GPC6: variants seen among roughly 807,000 people sequenced by gnomAD.
The protein encoded by GPC6 is glypican-6.
Under a neutral mutation model 55.2 loss-of-function variants are expected in GPC6, and 14 were observed. The ratio of observed to expected loss-of-function variants is 0.25; its 90% confidence interval spans 0.17 to 0.40. The LOEUF (loss-of-function observed/expected upper bound fraction) is 0.40. Ranked by LOEUF, GPC6 falls within the 10% of genes least tolerant of loss-of-function variation. GPC6 has a pLI of 1.00. For missense variants in GPC6, 641 were observed against 708.5 expected, an observed-to-expected ratio of 0.90 and a Z score of 1.08; for synonymous variants, 278 against 259.6, an observed-to-expected ratio of 1.07 and a Z score of -0.68.
intron 1 of GPC6, among the ~76,000 whole-genome samples, chr13:93,405,914 G>T (rs1876273321): frequency 6.6e-6 from 1 of 152,198 alleles, no homozygotes; most frequent in Non-Finnish European, 1.5e-5. Flanking sequence ...GGGCCAATTA[G>T]ACTGGAAAGT....
At chr13:93,257,414 G>A (rs1382026320) in intron 1 of GPC6, among the ~76,000 whole-genome samples, 2 of 152,150 alleles carry the variant, frequency 1.3e-5, no homozygotes, top group Non-Finnish European at 2.9e-5. Context: ...TATAGCAAAA[G>A]TATCAGATGA....
intron 3 of GPC6, among the ~76,000 whole-genome samples, chr13:93,986,008 G>T (rs1170036497): frequency 6.6e-6 from 1 of 151,942 alleles, no homozygotes; most frequent in Admixed American, 6.6e-5. Context: ...TTAGTTTGAT[G>T]AATAATAATA....
At chr13:93,730,227 A>G (rs989864983) in intron 2 of GPC6, among the ~76,000 whole-genome samples, 8 of 152,154 alleles carry the variant, frequency 5.3e-5, no homozygotes, top group Non-Finnish European at 1.0e-4. Context: ...AACTCCTACC[A>G]GGTCCTCTCC....
intron 1 of GPC6, among the ~76,000 whole-genome samples, chr13:93,417,694 G>T (rs2139253836): frequency 6.6e-6 from 1 of 152,060 alleles, no homozygotes; most frequent in East Asian, 1.9e-4. Flanking sequence ...GAGTTATTTT[G>T]AATTTACAAA....
chr13:93,818,120 TAC>T lies in GPC6; in HGVS notation c.320-12024_320-12023del, dbSNP rs956923106. ...TATATTATATATAATAATTTATATA[TAC>T]ACACACACATAGTTTAAAACAACTC... On this transcript the variant is annotated intron_variant, in intron 2 of 8. Transcript: ENST00000377047. 4.8e-3 allele frequency among the ~76,000 whole-genome samples: 704 copies of T among 148,198 alleles called. 7 individuals carry two copies. The highest frequency in any genetic ancestry group is 0.016 in the African/African-American group (668 of 40,894).
intron 2 of GPC6, among the ~76,000 whole-genome samples, chr13:93,627,261 T>A (rs1879242126): frequency 6.6e-6 from 1 of 152,092 alleles, no homozygotes; most frequent in South Asian, 2.1e-4. Context: ...GTGTTTGGTT[T>A]TCTGTTCTTG....
chr13:93,989,700 G>A (rs916009016), intron 3 of GPC6, among the ~76,000 whole-genome samples: 3 of 152,072 alleles, frequency 2.0e-5, no homozygotes, highest in African/African-American at 7.2e-5. Context: ...GCAACCTATG[G>A]TGATCATTAA....
intron 5 of GPC6, among the ~76,000 whole-genome samples, chr13:94,298,139 A>G (rs1020355591): frequency 1.3e-5 from 2 of 152,232 alleles, no homozygotes; most frequent in Non-Finnish European, 2.9e-5. Flanking sequence ...TATATTCAGG[A>G]AACCACTTTT....
At chr13:94,075,044 A>C (rs1348129246) in intron 4 of GPC6, among the ~76,000 whole-genome samples, 2 of 152,188 alleles carry the variant, frequency 1.3e-5, no homozygotes, top group Non-Finnish European at 2.9e-5. Flanking sequence ...ATGATTATAA[A>C]TTTGTATAAA....
chr13:93,902,346 C>A (rs1459974915), intron 3 of GPC6, among the ~76,000 whole-genome samples: 1 of 152,086 alleles, frequency 6.6e-6, no homozygotes, highest in Admixed American at 6.6e-5. Context: ...ACCATAATGT[C>A]CTCTAAGTTC....
At chr13:93,285,630 G>GTGTGTGTGTGTGTGTGTA (rs1555287670) in intron 1 of GPC6, among the ~76,000 whole-genome samples, 2 of 140,442 alleles carry the variant, frequency 1.4e-5, no homozygotes, top group African/African-American at 5.4e-5. Context: ...GTGTGTGTGT[G>GTGTGTGTGTGTGTGTGTA]TGTGTGTGTG....
intron 2 of GPC6, among the ~76,000 whole-genome samples, chr13:93,799,231 G>A (rs930404134): frequency 1.3e-5 from 2 of 152,078 alleles, no homozygotes; most frequent in African/African-American, 4.8e-5. Context: ...ACTAGGTAAA[G>A]GCATAAATGT....
In GPC6 at chr13:94,403,130, G is replaced by A. The variant is rs1881221631; in HGVS notation, c.1581G>A (p.Val527=). 6.2e-7 allele frequency: 1 copy of A among 1,613,750 alleles called. No homozygotes were observed. Among genetic ancestry groups the A allele is most frequent in the Admixed American group, 1.7e-5 (1 of 60,012 alleles). The change falls in exon 9 of 9, where the codon GTG becomes GTA. Residue 527 remains valine, a synonymous_variant. Coordinates refer to ENST00000377047, the MANE Select transcript of GPC6 (RefSeq NM_005708.5). The part of the protein sequence containing the change: ...APAVDPDRRE[V]DSSAAQRGHS... ...CAGTGGATCCCGACCGGAGAGAGGT[G>A]GACTCTTCTGCAGCCCAGCGTGGCC...
chr13:93,465,002 T>G (rs1256844813), intron 1 of GPC6, among the ~76,000 whole-genome samples: 1 of 152,220 alleles, frequency 6.6e-6, no homozygotes, highest in Non-Finnish European at 1.5e-5. Context: ...AGGTGAATTG[T>G]CAATGAGAAG....
chr13:94,005,184 T>G (rs1469734861), intron 3 of GPC6, among the ~76,000 whole-genome samples: 1 of 152,206 alleles, frequency 6.6e-6, no homozygotes, highest in Non-Finnish European at 1.5e-5. Flanking sequence ...ACATTGGAAT[T>G]TCAACAACAT....
intron 2 of GPC6, among the ~76,000 whole-genome samples, chr13:93,745,346 T>C (rs760840836): frequency 2.6e-5 from 4 of 152,110 alleles, no homozygotes; most frequent in African/African-American, 4.8e-5. Flanking sequence ...ACTCCTTTTT[T>C]TGACCTTTAT....
In GPC6 at chr13:94,097,244, T is replaced by C. The variant is rs187279363; in HGVS notation, c.877+69350T>C. Among the ~76,000 whole-genome samples, 281 of 152,244 alleles carry C rather than the reference T, an allele frequency of 1.8e-3. 2 individuals carry two copies. Among genetic ancestry groups the C allele is most frequent in the African/African-American group, 5.8e-3 (239 of 41,552 alleles). ...TGGGCAGGGCGCGGTGGCTCAGGCCTGTAATCCCAGCACTTTGGGAGGCCG... is the reference window on the plus strand; with the variant it reads ...TGGGCAGGGCGCGGTGGCTCAGGCCCGTAATCCCAGCACTTTGGGAGGCCG... On this transcript the variant is annotated intron_variant, in intron 4 of 8. Coordinates refer to ENST00000377047, the MANE Select transcript of GPC6 (RefSeq NM_005708.5).
At chr13:93,543,140 A>G (rs9524118) in intron 1 of GPC6, among the ~76,000 whole-genome samples, 133,734 of 152,030 alleles carry the variant, frequency 0.88, 59,217 homozygotes, top group Middle Eastern at 0.92. Context: ...AGCCCATTCC[A>G]TATGATATTG....
intron 1 of GPC6, among the ~76,000 whole-genome samples, chr13:93,286,457 G>GA (rs1566280360): frequency 6.6e-6 from 1 of 152,160 alleles, no homozygotes; most frequent in Non-Finnish European, 1.5e-5. Flanking sequence ...AAGCTCAGAG[G>GA]ATATGGGGAG....
Sources: allele counts gnomAD v4.1 joint callset (sites outside exome capture counted in the v4.1 genomes callset), GRCh38; gene constraint gnomAD v4.1.1; transcripts MANE v1.5; gene names NCBI Gene and HGNC (gene_info 2026-07-23, HGNC 2026-07-21).